Variants in SPAG9 observed in about 807,000 individuals in gnomAD.
The protein encoded by SPAG9 is sperm associated antigen 9, also known as C-Jun-amino-terminal kinase-interacting protein 4.
A neutral mutation model predicts 166.5 loss-of-function variants in SPAG9; 35 were observed. The ratio of observed to expected loss-of-function variants is 0.21; its 90% CI spans 0.16 to 0.28. The LOEUF (loss-of-function observed/expected upper bound fraction) is 0.28. Ranked by LOEUF, SPAG9 falls within the 10% of genes least tolerant of loss-of-function variation. The pLI is 1.00. For synonymous variants in SPAG9, 534 were observed against 565.5 expected (o/e 0.94, Z 0.79); for missense variants, 1,235 against 1,603.3 (o/e 0.77, Z 3.92).
intron 12 of SPAG9, among the ~76,000 whole-genome samples, chr17:51,002,775 CAACAACAAA>C (rs1218888621): frequency 1.3e-5 from 2 of 151,554 alleles, no homozygotes; most frequent in Non-Finnish European, 2.9e-5. Flanking sequence ...AAAACAACAA[CAACAACAAA>C]AACAACAACA....
At chr17:51,113,679 CAA>C (rs11329853) in intron 1 of SPAG9, among the ~76,000 whole-genome samples, 38 of 128,840 alleles carry the variant, frequency 2.9e-4, no homozygotes, top group South Asian at 5.2e-4. Context: ...GACCCCATCT[CAA>C]AAAAAAAAAA....
chr17:50,994,197 A>G (rs980114571), intron 18 of SPAG9, among the ~76,000 whole-genome samples: 1 of 152,100 alleles, frequency 6.6e-6, no homozygotes, highest in African/African-American at 2.4e-5. Flanking sequence ...TTCCCATGCT[A>G]TTCTCGTGAT....
intron 3 of SPAG9, among the ~76,000 whole-genome samples, chr17:51,053,869 A>G (rs1266878097): frequency 2.3e-5 from 2 of 88,346 alleles, no homozygotes; most frequent in Non-Finnish European, 4.2e-5. Flanking sequence ...ATATATATAT[A>G]TATATATATA....
rs1185650064 is a variant in SPAG9, at chr17:51,041,491, T to C, written c.741+10A>G. On this transcript the variant is annotated intron_variant, in intron 5 of 29. Transcript: ENST00000262013. ...ATAAACTGACACAATTTCAGCAGCA[T>C]AAAGCTTACCTTCAGGCTGGTATGA... is the stretch of plus-strand genomic sequence containing the variant. 1.2e-6 allele frequency: 2 copies of C among 1,611,696 alleles called. No homozygotes were observed. Among genetic ancestry groups the C allele is most frequent in the South Asian group, 2.2e-5 (2 of 90,626 alleles).
intron 2 of SPAG9, among the ~76,000 whole-genome samples, chr17:51,073,469 T>G (rs769661098): frequency 6.6e-6 from 1 of 151,888 alleles, no homozygotes; most frequent in Admixed American, 6.6e-5. Context: ...GCCTGGGCAA[T>G]AGAGCTGGAA....
intron 3 of SPAG9, among the ~76,000 whole-genome samples, chr17:51,048,249 T>C (rs1204905290): frequency 6.6e-6 from 1 of 152,064 alleles, no homozygotes; most frequent in Non-Finnish European, 1.5e-5. Context: ...CTTGATAATA[T>C]ATAGTTTCAC....
chr17:51,115,148 A>T (rs954587378), intron 1 of SPAG9, among the ~76,000 whole-genome samples: 1 of 152,102 alleles, frequency 6.6e-6, no homozygotes, highest in Admixed American at 6.6e-5. Flanking sequence ...CAAGTTAGAA[A>T]ATTCTCAGTA....
chr17:51,063,272 C>T (rs12939037), intron 2 of SPAG9, among the ~76,000 whole-genome samples: 36,231 of 151,538 alleles, frequency 0.24, 5,157 homozygotes, highest in Admixed American at 0.34. Context: ...TTTAGCTGGG[C>T]GTGGTGGTGC....
At chr17:51,053,173 C>CTA (rs1283597372) in intron 3 of SPAG9, among the ~76,000 whole-genome samples, 2 of 150,558 alleles carry the variant, frequency 1.3e-5, no homozygotes, top group Admixed American at 1.3e-4. Flanking sequence ...TTATTTATCA[C>CTA]TATCAATTAC....
At chr17:51,021,475 A>C in intron 6 of SPAG9, 110 bp from the exon 7 acceptor site, 1 of 914,690 alleles carries the variant, frequency 1.1e-6, no homozygotes. Context: ...TTTTTTTTCC[A>C]AAATAAAGGC....
chr17:51,063,440 C>G (rs1335772905), intron 2 of SPAG9, among the ~76,000 whole-genome samples: 2 of 151,450 alleles, frequency 1.3e-5, no homozygotes, highest in East Asian at 3.9e-4. Flanking sequence ...TGTATGCTGA[C>G]CACGTCTATC....
At chr17:50,970,279 C>T (rs918071146) in intron 29 of SPAG9, among the ~76,000 whole-genome samples, 6 of 152,006 alleles carry the variant, frequency 3.9e-5, no homozygotes, top group African/African-American at 1.2e-4. Context: ...GCTGGAAGGC[C>T]GAGGCAGGCG....
In SPAG9 at chr17:51,037,685, AGT is replaced by A. The variant is rs746475393; in HGVS notation, c.741+3814_741+3815del. ...GTGTTTTATATATATATATATATAT[AGT>A]GTGTGTGTGTGTGTGTGTGTGTGTG... On this transcript the variant is annotated intron_variant, in intron 5 of 29. Coordinates refer to ENST00000262013, the MANE Select transcript of SPAG9 (RefSeq NM_001130528.3). 9.1e-3 allele frequency among the ~76,000 whole-genome samples: 758 copies of A among 83,454 alleles called. 28 individuals are homozygous for A. The highest frequency in any genetic ancestry group is 0.017 in the African/African-American group (444 of 25,548). The allele number at this position is 83,454 out of a possible 152,430, so 54.7% of individuals were successfully genotyped here. A position where few individuals can be genotyped will look rare whatever the true frequency, so the allele number is the denominator to read the frequency against.
At chr17:51,022,777 T>C (rs2045991745) in intron 6 of SPAG9, among the ~76,000 whole-genome samples, 1 of 151,348 alleles carries the variant, frequency 6.6e-6, no homozygotes, top group Non-Finnish European at 1.5e-5. Flanking sequence ...GGAGAAACCC[T>C]GTCTCTACTA....
chr17:51,014,811 CATAA>C (rs2045632213), intron 8 of SPAG9, among the ~76,000 whole-genome samples: 1 of 151,098 alleles, frequency 6.6e-6, no homozygotes, highest in Admixed American at 6.6e-5. Flanking sequence ...AGGTTAAAAA[CATAA>C]ATAGAGCTTT....
intron 2 of SPAG9, among the ~76,000 whole-genome samples, chr17:51,075,817 C>T (rs980407531): frequency 2.6e-5 from 4 of 151,980 alleles, no homozygotes; most frequent in African/African-American, 9.7e-5. Flanking sequence ...GAGCCAGACT[C>T]GGTCTCTGAG....
At chr17:51,106,386 T>C (rs2048951633) in intron 1 of SPAG9, among the ~76,000 whole-genome samples, 1 of 152,224 alleles carries the variant, frequency 6.6e-6, no homozygotes, top group African/African-American at 2.4e-5. Flanking sequence ...CCATCACATC[T>C]ATCACAATCT....
At chr17:51,020,294 T>C (rs745707446) in intron 7 of SPAG9, 36 bp from the exon 8 acceptor site, 33 of 1,296,104 alleles carry the variant, frequency 2.5e-5, no homozygotes, top group Non-Finnish European at 3.5e-5. Context: ...ACAATACATA[T>C]ATTACACAGT....
Position 51,056,499 on chromosome 17 carries a change from T to C in SPAG9, c.425-17A>G. On this transcript the variant is annotated splice_polypyrimidine_tract_variant and intron_variant, in intron 2 of 29. Transcript: ENST00000262013. Reference sequence around the variant, plus strand: ...GTCTGCTAACTGAAATTAAGATACATACACTTGATCAAAACAAAATAAGAA... The same window carrying C: ...GTCTGCTAACTGAAATTAAGATACACACACTTGATCAAAACAAAATAAGAA... 1.3e-6 allele frequency: 2 copies of C among 1,507,124 alleles called. No homozygotes were observed. The highest frequency in any genetic ancestry group is 1.8e-6 in the Non-Finnish European group (2 of 1,083,928). 93.4% of individuals were successfully genotyped at this position (1,507,124 alleles called of 1,614,324 possible). A position where few individuals can be genotyped will look rare whatever the true frequency, so the allele number is the denominator to read the frequency against.
Sources: gnomAD v4.1 joint callset for allele counts (sites outside exome capture counted in the v4.1 genomes callset) on GRCh38, gnomAD v4.1.1 for gene constraint, MANE v1.5 for transcripts, NCBI Gene and HGNC (gene_info 2026-07-23, HGNC 2026-07-21) for gene names.